NEO1: variants seen among roughly 807,000 people sequenced by gnomAD.
NEO1 encodes the protein neogenin 1.
NEO1 carries 63 observed loss-of-function variants against 159.7 expected under a neutral mutation model. That is an observed-to-expected ratio of 0.39 (90% CI 0.32 to 0.49). The LOEUF (loss-of-function observed/expected upper bound fraction) is 0.49, where lower values mean the gene tolerates loss of function less well. Among genes scored for constraint, NEO1 ranks in the 20% least tolerant of loss-of-function variants. The pLI is 0.85. For synonymous variants in NEO1, 633 were observed against 662.0 expected (o/e 0.96, Z 0.67); for missense variants, 1,615 against 1,831.0 (o/e 0.88, Z 2.15).
chr15:73,068,951 T>G (rs946706805), intron 1 of NEO1, among the ~76,000 whole-genome samples: 4 of 125,854 alleles, frequency 3.2e-5, no homozygotes, highest in Non-Finnish European at 1.7e-5. Context: ...TTTGATAGAG[T>G]GGGGCTTTTT....
At chr15:73,135,813 T>A in intron 4 of NEO1, 78 bp from the exon 5 acceptor site, 11 of 1,282,422 alleles carry the variant, frequency 8.6e-6, no homozygotes, top group Non-Finnish European at 1.1e-5. Context: ...GTTTTCTCTA[T>A]TTTATGTGGA....
intron 5 of NEO1, among the ~76,000 whole-genome samples, chr15:73,141,869 T>G (rs1483706439): frequency 6.6e-6 from 1 of 152,208 alleles, no homozygotes; most frequent in Non-Finnish European, 1.5e-5. Flanking sequence ...GCAAATTCCT[T>G]ATGTCATACA....
At chr15:73,179,275 C>G (rs1023041227) in intron 7 of NEO1, among the ~76,000 whole-genome samples, 1 of 152,114 alleles carries the variant, frequency 6.6e-6, no homozygotes, top group East Asian at 1.9e-4. Flanking sequence ...AACTACAACC[C>G]CTAGGTCTGA....
intron 7 of NEO1, among the ~76,000 whole-genome samples, chr15:73,220,582 G>A (rs897823712): frequency 7.9e-5 from 12 of 152,066 alleles, no homozygotes; most frequent in Admixed American, 7.9e-4. Context: ...ACGTAGATTT[G>A]GTCTTTTCAC....
intron 5 of NEO1, among the ~76,000 whole-genome samples, chr15:73,164,519 TTTC>T (rs1300723086): frequency 6.6e-6 from 1 of 152,186 alleles, no homozygotes; most frequent in African/African-American, 2.4e-5. Context: ...CCAGCCTCTT[TTTC>T]TTATTTCCTT....
At chr15:73,141,516 T>C (rs1415456316) in intron 5 of NEO1, among the ~76,000 whole-genome samples, 1 of 152,232 alleles carries the variant, frequency 6.6e-6, no homozygotes, top group Admixed American at 6.5e-5. Context: ...TACAACAGTC[T>C]GTGATACACA....
chr15:73,252,886 A>C (rs2040150224), intron 11 of NEO1, among the ~76,000 whole-genome samples: 1 of 152,170 alleles, frequency 6.6e-6, no homozygotes, highest in African/African-American at 2.4e-5. Flanking sequence ...GCTACTCAGG[A>C]GGCTGAGGCA....
chr15:73,104,128 C>T (rs941545974), intron 1 of NEO1, among the ~76,000 whole-genome samples: 1 of 152,142 alleles, frequency 6.6e-6, no homozygotes, highest in African/African-American at 2.4e-5. Flanking sequence ...TCCCAAAGTG[C>T]TGGGATTACA....
At chr15:73,074,265 G>A (rs2068666862) in intron 1 of NEO1, among the ~76,000 whole-genome samples, 2 of 152,140 alleles carry the variant, frequency 1.3e-5, no homozygotes, top group African/African-American at 4.8e-5. Flanking sequence ...CTAAAAACGG[G>A]TTCTGTCTGA....
intron 7 of NEO1, among the ~76,000 whole-genome samples, chr15:73,183,608 G>A (rs1237547533): frequency 6.6e-6 from 1 of 152,096 alleles, no homozygotes; most frequent in African/African-American, 2.4e-5. Flanking sequence ...AGAGCCAGAG[G>A]GCCTACCTAA....
chr15:73,232,689 C>A (rs925973921), intron 7 of NEO1, among the ~76,000 whole-genome samples: 6 of 152,172 alleles, frequency 3.9e-5, no homozygotes, highest in African/African-American at 1.2e-4. Flanking sequence ...TCATGGAATA[C>A]CTTGTTCCAT....
Position 73,172,456 on chromosome 15 carries a change from T to C in NEO1, c.1016-3947T>C, listed in dbSNP as rs149593865. On this transcript the variant is annotated intron_variant, in intron 5 of 28. Coordinates refer to ENST00000261908, the MANE Select transcript of NEO1 (RefSeq NM_002499.4). ...ACATCAAAGATATACGTTAAAGTTA[T>C]AAATCATTGGCTAAAGATCTTAGTG... Among the ~76,000 whole-genome samples the C allele has an allele frequency of 4.9e-3, 753 of 152,334 alleles. 2 individuals are homozygous for C. The highest frequency in any genetic ancestry group is 7.2e-3 in the Non-Finnish European group (488 of 68,022).
At chr15:73,055,543 T>A (rs2067653989) in intron 1 of NEO1, among the ~76,000 whole-genome samples, 1 of 152,192 alleles carries the variant, frequency 6.6e-6, no homozygotes, top group South Asian at 2.1e-4. Flanking sequence ...TATCTAAAGC[T>A]TATCTCATTA....
At chr15:73,063,405 A>G (rs2068065835) in intron 1 of NEO1, among the ~76,000 whole-genome samples, 1 of 151,856 alleles carries the variant, frequency 6.6e-6, no homozygotes, top group South Asian at 2.1e-4. Flanking sequence ...CGTTTTTATT[A>G]TTGTATACTA....
chr15:73,227,884 T>C (rs1038880567), intron 7 of NEO1, among the ~76,000 whole-genome samples: 1 of 152,192 alleles, frequency 6.6e-6, no homozygotes, highest in Middle Eastern at 3.2e-3. Flanking sequence ...GGGACCAGTC[T>C]GGAGGACTTT....
intron 1 of NEO1, 79 bp from the exon 2 acceptor site, chr15:73,116,461 G>A: frequency 2.5e-6 from 3 of 1,214,434 alleles, no homozygotes; most frequent in Non-Finnish European, 2.2e-6. Flanking sequence ...ATAATTTTTG[G>A]ACTTGTTAGT....
At chr15:73,121,476 G>T (rs528601438) in intron 2 of NEO1, among the ~76,000 whole-genome samples, 2 of 152,258 alleles carry the variant, frequency 1.3e-5, no homozygotes, top group Admixed American at 1.3e-4. Context: ...TACTACTTAA[G>T]ATGGTCTGTG....
At chr15:73,225,598 C>T (rs1210008360) in intron 7 of NEO1, among the ~76,000 whole-genome samples, 2 of 152,094 alleles carry the variant, frequency 1.3e-5, no homozygotes, top group African/African-American at 4.8e-5. Context: ...TCACAGGCCT[C>T]ACCCAGCTCC....
At chr15:73,094,188 T>C (rs913284740) in intron 1 of NEO1, among the ~76,000 whole-genome samples, 22 of 152,184 alleles carry the variant, frequency 1.4e-4, no homozygotes, top group Admixed American at 1.4e-3. Context: ...TTAGAACATT[T>C]TCATCACCCC....
Sources: gnomAD v4.1 joint callset for allele counts (sites outside exome capture counted in the v4.1 genomes callset) on GRCh38, gnomAD v4.1.1 for gene constraint, MANE v1.5 for transcripts, NCBI Gene and HGNC (gene_info 2026-07-23, HGNC 2026-07-21) for gene names.